Variants in FGGY observed in about 807,000 individuals in gnomAD.
The protein encoded by FGGY is FGGY carbohydrate kinase domain-containing protein.
A neutral mutation model predicts 71.3 loss-of-function variants in FGGY; 72 were observed. That is an observed-to-expected ratio of 1.01 (90% CI 0.84 to 1.23). The LOEUF (loss-of-function observed/expected upper bound fraction) is 1.23, where lower values mean the gene tolerates loss of function less well. FGGY is among the 50% of genes most tolerant of loss of function. The pLI is 0.00. For missense variants in FGGY, 668 were observed against 682.3 expected (o/e 0.98, Z 0.23); for synonymous variants, 251 against 250.3 (o/e 1.00, Z -0.02).
intron 7 of FGGY, among the ~76,000 whole-genome samples, chr1:59,544,941 C>G (rs891900660): frequency 6.6e-6 from 1 of 152,158 alleles, no homozygotes; most frequent in Admixed American, 6.5e-5. Context: ...ACTTGAAAGC[C>G]TTTACCTCCC....
At chr1:59,424,878 A>G (rs1202428129) in intron 5 of FGGY, among the ~76,000 whole-genome samples, 1 of 152,242 alleles carries the variant, frequency 6.6e-6, no homozygotes, top group Non-Finnish European at 1.5e-5. Flanking sequence ...TGAAGGATAT[A>G]GGCATTGAAG....
chr1:59,586,424 A>G (rs2096288174), intron 8 of FGGY, among the ~76,000 whole-genome samples: 1 of 151,918 alleles, frequency 6.6e-6, no homozygotes, highest in Non-Finnish European at 1.5e-5. Context: ...ACCAAACACC[A>G]CATGTTCTCA....
intron 4 of FGGY, among the ~76,000 whole-genome samples, chr1:59,372,643 T>C (rs376079862): frequency 2.0e-5 from 3 of 152,064 alleles, no homozygotes; most frequent in Admixed American, 2.0e-4. Flanking sequence ...TGATGAACAT[T>C]GATGCAAAAA....
intron 4 of FGGY, among the ~76,000 whole-genome samples, chr1:59,351,472 T>C (rs2053276875): frequency 6.6e-6 from 1 of 152,246 alleles, no homozygotes; most frequent in Admixed American, 6.5e-5. Context: ...TAAATTGTAA[T>C]GCTACGTCAA....
chr1:59,706,490 G>A (rs1194490256), intron 14 of FGGY, among the ~76,000 whole-genome samples: 9 of 152,072 alleles, frequency 5.9e-5, no homozygotes, highest in Non-Finnish European at 1.3e-4. Flanking sequence ...TCTGAATTTG[G>A]GCTTCTCATT....
intron 11 of FGGY, among the ~76,000 whole-genome samples, chr1:59,654,224 G>A (rs2097197328): frequency 1.3e-5 from 2 of 152,192 alleles, no homozygotes; most frequent in African/African-American, 4.8e-5. Context: ...TTGGTAAGAT[G>A]TGTCCCCCTT....
chr1:59,748,085 C>T (rs966091079), intron 14 of FGGY, among the ~76,000 whole-genome samples: 1 of 151,988 alleles, frequency 6.6e-6, no homozygotes, highest in Admixed American at 6.6e-5. Context: ...TATACCAGTA[C>T]CTTGCGTAAA....
intron 8 of FGGY, among the ~76,000 whole-genome samples, chr1:59,591,678 A>G (rs1319002082): frequency 1.3e-5 from 2 of 152,210 alleles, no homozygotes; most frequent in East Asian, 3.8e-4. Context: ...GAGAAAAACA[A>G]GCAATGGGGA....
intron 4 of FGGY, among the ~76,000 whole-genome samples, chr1:59,349,631 C>A (rs1237995188): frequency 6.6e-6 from 1 of 152,162 alleles, no homozygotes; most frequent in Non-Finnish European, 1.5e-5. Flanking sequence ...TTTAAAAAAT[C>A]AATTTTCTTT....
intron 14 of FGGY, among the ~76,000 whole-genome samples, chr1:59,726,224 T>C (rs1368530282): frequency 6.6e-6 from 1 of 152,150 alleles, no homozygotes; most frequent in Non-Finnish European, 1.5e-5. Flanking sequence ...ATGTAATGGA[T>C]TACATTGACT....
At chr1:59,734,526 C>T (rs1558944669) in intron 14 of FGGY, among the ~76,000 whole-genome samples, 1 of 152,194 alleles carries the variant, frequency 6.6e-6, no homozygotes, top group Non-Finnish European at 1.5e-5. Flanking sequence ...TGGCCCTCTC[C>T]TCTGCTAGAC....
At chr1:59,736,354 T>C (rs1013040119) in intron 14 of FGGY, among the ~76,000 whole-genome samples, 6 of 152,160 alleles carry the variant, frequency 3.9e-5, no homozygotes, top group African/African-American at 1.4e-4. Context: ...ACTTTGGAAC[T>C]TGGTAACAGG....
chr1:59,587,415 C>G (rs1450215308), intron 8 of FGGY, among the ~76,000 whole-genome samples: 1 of 152,128 alleles, frequency 6.6e-6, no homozygotes, highest in Non-Finnish European at 1.5e-5. Context: ...ACTTAAATGT[C>G]CCTGTCTGAC....
At chr1:59,564,451 A>G (rs2095843885) in intron 8 of FGGY, among the ~76,000 whole-genome samples, 1 of 152,252 alleles carries the variant, frequency 6.6e-6, no homozygotes. Context: ...AACACCAAAG[A>G]AAACGTTCCC....
At chr1:59,559,188 G>T (rs12122631) in intron 8 of FGGY, among the ~76,000 whole-genome samples, 2 of 152,150 alleles carry the variant, frequency 1.3e-5, no homozygotes, top group African/African-American at 4.8e-5. Flanking sequence ...ACAGGCATAA[G>T]AAATTATTAA....
chr1:59,313,408 ATTTG>A (rs1331114721), intron 1 of FGGY, among the ~76,000 whole-genome samples: 5 of 152,170 alleles, frequency 3.3e-5, no homozygotes, highest in Admixed American at 6.6e-5. Context: ...AGCACTTAAT[ATTTG>A]TTTGTTTACT....
chr1:59,647,514 A>G (rs893175756), intron 11 of FGGY, among the ~76,000 whole-genome samples: 2 of 152,170 alleles, frequency 1.3e-5, no homozygotes, highest in African/African-American at 2.4e-5. Context: ...GGTTGGTTCT[A>G]CTGGTTCCTC....
intron 8 of FGGY, among the ~76,000 whole-genome samples, chr1:59,575,273 A>G (rs1210883303): frequency 1.3e-5 from 2 of 152,174 alleles, no homozygotes; most frequent in Non-Finnish European, 2.9e-5. Flanking sequence ...ACCCCTTGGC[A>G]ACCCCACCCT....
chr1:59,447,898 G>T (rs1371762722), intron 5 of FGGY, among the ~76,000 whole-genome samples: 1 of 152,182 alleles, frequency 6.6e-6, no homozygotes, highest in Non-Finnish European at 1.5e-5. Flanking sequence ...TTCTTCCGTA[G>T]TGTGGGAGAA....
Sources: allele counts gnomAD v4.1 joint callset (sites outside exome capture counted in the v4.1 genomes callset), GRCh38; gene constraint gnomAD v4.1.1; transcripts MANE v1.5; gene names NCBI Gene and HGNC (gene_info 2026-07-23, HGNC 2026-07-21).